Variants in VAPB observed in about 807,000 individuals in gnomAD.
VAPB encodes VAMP associated protein B and C, also known as vesicle-associated membrane protein-associated protein B/C.
In VAPB, 7 loss-of-function variants were observed where a neutral mutation model predicts 25.6. That is an observed-to-expected ratio of 0.27 (90% CI 0.16 to 0.51). The LOEUF (loss-of-function observed/expected upper bound fraction) is 0.51, where lower values mean the gene tolerates loss of function less well. Ranked by LOEUF, VAPB falls within the 20% of genes least tolerant of loss-of-function variation. The pLI is 0.97. For synonymous variants in VAPB, 112 were observed against 109.2 expected (o/e 1.03, Z -0.16); for missense variants, 266 against 301.3 (o/e 0.88, Z 0.87).
chr20:58,402,562 C>T (rs6070458), intron 1 of VAPB, among the ~76,000 whole-genome samples: 112,309 of 134,452 alleles, frequency 0.84, 45,190 homozygotes, highest in East Asian at 0.98. Context: ...CCCCCCCACC[C>T]TTTTTTTTTT....
intron 4 of VAPB, chr20:58,440,520 C>T: frequency 4.0e-6 from 1 of 247,134 alleles, no homozygotes; most frequent in Non-Finnish European, 8.0e-6. Flanking sequence ...CTCCTAACCC[C>T]ACTAAGGCAA....
chr20:58,411,511 AC>A (rs1456904788), intron 1 of VAPB, among the ~76,000 whole-genome samples: 1 of 152,066 alleles, frequency 6.6e-6, no homozygotes, highest in East Asian at 1.9e-4. Flanking sequence ...CGAATTCCTG[AC>A]CTCAGCTGAT....
chr20:58,450,699 G>T lies in VAPB; in HGVS notation c.*6464G>T, dbSNP rs1250957183. ...AAGATTCCCACAGTTTCTGATGTGT[G>T]TGTTTATAGTCTTCAATGTATGTTA... On this transcript the variant is annotated 3_prime_UTR_variant, in exon 6 of 6. Transcript: ENST00000475243. The T allele has an allele frequency of 2.2e-6, 1 of 454,018 alleles. No individual in the cohort carries two copies. Among genetic ancestry groups the T allele is most frequent in the East Asian group, 6.9e-5 (1 of 14,402 alleles). The allele number at this position is 454,018 out of a possible 1,614,324, so 28.1% of individuals were successfully genotyped here.
At chr20:58,389,546 C>T (rs1446452938) in intron 1 of VAPB, 29 bp downstream of exon 1, 3 of 1,554,252 alleles carry the variant, frequency 1.9e-6, no homozygotes, top group Non-Finnish European at 2.6e-6. Flanking sequence ...CACCTTCCTG[C>T]CCGCGGCCTC....
At chr20:58,441,338 A>C (rs557407384) in intron 5 of VAPB, among the ~76,000 whole-genome samples, 103 of 152,188 alleles carry the variant, frequency 6.8e-4, no homozygotes, top group Non-Finnish European at 9.4e-4. Flanking sequence ...CCCTTAAAAA[A>C]AAAAACAAAA....
chr20:58,443,978 C>T (rs1340575695), intron 5 of VAPB, 99 bp from the exon 6 acceptor site: 4 of 1,567,752 alleles, frequency 2.6e-6, no homozygotes, highest in Non-Finnish European at 3.5e-6. Flanking sequence ...ATCATGTCAT[C>T]CAACACTGGG....
rs748583918 is a variant in VAPB at position 58,418,269 on chromosome 20, T to C, written c.117T>C (p.Asn39=). ...NLKLGNPTDR[N]VCFKVKTTAP... Reference sequence around the variant, plus strand: ...AGCTTGGCAACCCGACAGACCGAAATGTGTGTTTTAAGGTGAAGACTACAG... The same window carrying C: ...AGCTTGGCAACCCGACAGACCGAAACGTGTGTTTTAAGGTGAAGACTACAG... The change falls in exon 2 of 6, where the codon AAT becomes AAC. Residue 39 remains asparagine (N), a synonymous_variant. Transcript: ENST00000475243. 5.6e-6 allele frequency: 9 copies of C among 1,614,104 alleles called. No homozygotes were observed. In the South Asian group the frequency reaches 8.8e-5, roughly 16 times the overall value.
At chr20:58,391,321 A>G (rs1987791060) in intron 1 of VAPB, among the ~76,000 whole-genome samples, 1 of 152,206 alleles carries the variant, frequency 6.6e-6, no homozygotes, top group Non-Finnish European at 1.5e-5. Flanking sequence ...TGAGAATAAC[A>G]GCCAGGACAG....
At chr20:58,399,683 C>T (rs1184240037) in intron 1 of VAPB, among the ~76,000 whole-genome samples, 1 of 148,900 alleles carries the variant, frequency 6.7e-6, no homozygotes, top group Admixed American at 6.7e-5. Context: ...TGCCTCTGCA[C>T]TCCAGCCTGG....
chr20:58,436,731 G>C (rs1989054765), intron 3 of VAPB, among the ~76,000 whole-genome samples: 1 of 152,056 alleles, frequency 6.6e-6, no homozygotes, highest in African/African-American at 2.4e-5. Context: ...ATTTACATTT[G>C]TTAACATGTT....
rs749580878 is a variant in VAPB at position 58,418,308 on chromosome 20, C to T, written c.156C>T (p.Tyr52=). The T allele has an allele frequency of 1.1e-5, 18 of 1,614,082 alleles. 1 individual carries two copies. The Admixed American group carries it at 2.7e-4, about 24-fold the overall frequency. Reference sequence around the variant, plus strand: ...TGAAGACTACAGCACCACGTAGGTACTGTGTGAGGCCCAACAGCGGAATCA... The same window carrying T: ...TGAAGACTACAGCACCACGTAGGTATTGTGTGAGGCCCAACAGCGGAATCA... The part of the protein sequence containing the change: ...FKVKTTAPRR[Y]CVRPNSGIID... The change falls in exon 2 of 6, where the codon TAC becomes TAT. Residue 52 remains tyrosine, a synonymous_variant. Transcript: ENST00000475243.
Position 58,450,395 on chromosome 20 carries a change from G to A in VAPB, c.*6160G>A, listed in dbSNP as rs569631620. 3.7e-5 allele frequency: 17 copies of A among 453,838 alleles called. No individual in the cohort carries two copies. Among genetic ancestry groups the A allele is most frequent in the East Asian group, 2.1e-4 (3 of 14,376 alleles). 28.1% of individuals were successfully genotyped at this position (453,838 alleles called of 1,614,324 possible). A position where few individuals can be genotyped will look rare whatever the true frequency, so the allele number is the denominator to read the frequency against. ...ATGAGGTGCTGCGAAATTAGTGGGC[G>A]TGGCTTTTTATATTTTTCATTCGTG... is the stretch of plus-strand genomic sequence containing the variant. On this transcript the variant is annotated 3_prime_UTR_variant, in exon 6 of 6. Transcript: ENST00000475243.
Position 58,445,212 on chromosome 20 carries a change from T to A in VAPB, c.*977T>A. 2.2e-6 allele frequency: 1 copy of A among 454,182 alleles called. No homozygotes were observed. Among genetic ancestry groups the A allele is most frequent in the Middle Eastern group, 6.9e-4 (1 of 1,444 alleles). The allele number at this position is 454,182 out of a possible 1,614,324, so 28.1% of individuals were successfully genotyped here. On this transcript the variant is annotated 3_prime_UTR_variant, in exon 6 of 6. Transcript: ENST00000475243. ...TAGTGACAGTCAACTCTAGGTTACC[T>A]TTTTTAATGAAGAGTAGTCAGTCTT...
At chr20:58,425,461 G>A (rs775014171) in intron 2 of VAPB, among the ~76,000 whole-genome samples, 5 of 152,156 alleles carry the variant, frequency 3.3e-5, no homozygotes, top group South Asian at 2.1e-4. Context: ...GTTAGCTAAC[G>A]CAAAAAATGC....
chr20:58,414,338 C>T (rs1200650135), intron 1 of VAPB, among the ~76,000 whole-genome samples: 1 of 149,724 alleles, frequency 6.7e-6, no homozygotes, highest in Non-Finnish European at 1.5e-5. Context: ...CCCCCCACCT[C>T]CCTCCCGGAC....
At chr20:58,432,185 G>C (rs751251197) in intron 2 of VAPB, among the ~76,000 whole-genome samples, 1 of 152,138 alleles carries the variant, frequency 6.6e-6, no homozygotes, top group Non-Finnish European at 1.5e-5. Flanking sequence ...GGAAGGGGCA[G>C]GCAGAGCTTC....
chr20:58,426,729 T>C (rs1031329250), intron 2 of VAPB, among the ~76,000 whole-genome samples: 2 of 152,140 alleles, frequency 1.3e-5, no homozygotes, highest in African/African-American at 4.8e-5. Flanking sequence ...ACGATTAAAT[T>C]TGTGGAGTTT....
At position 58,389,967 on chromosome 20, in the gene VAPB, A is replaced by C. The variant is rs118014276; in HGVS notation, c.58+450A>C. ...CCGTGCACACCTGCTGTCATTCCCT[A>C]TTCCGTCACTGTTTCGTGGTCAGCA... On this transcript the variant is annotated intron_variant, in intron 1 of 5. Coordinates refer to ENST00000475243, the MANE Select transcript of VAPB (RefSeq NM_004738.5). Among the ~76,000 whole-genome samples, 19 of 152,186 alleles carry C rather than the reference A, an allele frequency of 1.2e-4. No homozygotes were observed. In the South Asian group the frequency reaches 3.3e-3, roughly 27 times the overall value.
chr20:58,403,825 G>GT (rs752061582), intron 1 of VAPB, among the ~76,000 whole-genome samples: 2 of 152,182 alleles, frequency 1.3e-5, no homozygotes, highest in Non-Finnish European at 2.9e-5. Flanking sequence ...GTTCCACACT[G>GT]TATTTACCGT....
Sources: allele counts gnomAD v4.1 joint callset (sites outside exome capture counted in the v4.1 genomes callset), GRCh38; gene constraint gnomAD v4.1.1; transcripts MANE v1.5; gene names NCBI Gene and HGNC (gene_info 2026-07-23, HGNC 2026-07-21).